The following ST6GALNAC5 variants were observed in gnomAD, a reference collection of about 807,000 sequenced individuals.
ST6GALNAC5 encodes ST6 N-acetylgalactosaminide alpha-2,6-sialyltransferase 5.
ST6GALNAC5 carries 27 observed loss-of-function variants against 33.6 expected under a neutral mutation model. That is an observed-to-expected ratio of 0.80 (90% confidence interval 0.59 to 1.11). The LOEUF is 1.11. Ranked by LOEUF, ST6GALNAC5 falls within the 50% of genes least tolerant of loss-of-function variation. ST6GALNAC5 has a pLI of 0.00. For synonymous variants in ST6GALNAC5, 194 were observed against 171.2 expected (o/e 1.13, Z -1.04); for missense variants, 428 against 454.0 (o/e 0.94, Z 0.52).
chr1:77,052,366 G>A (rs1652250386), intron 4 of ST6GALNAC5, among the ~76,000 whole-genome samples: 1 of 152,156 alleles, frequency 6.6e-6, no homozygotes, highest in Non-Finnish European at 1.5e-5. Flanking sequence ...CATGTTGACT[G>A]GACCACCAGG....
At chr1:76,992,250 C>A (rs796228393) in intron 2 of ST6GALNAC5, among the ~76,000 whole-genome samples, 6 of 152,296 alleles carry the variant, frequency 3.9e-5, no homozygotes, top group African/African-American at 1.4e-4. Context: ...GCTCTATGCT[C>A]TAACTATCTC....
At chr1:76,972,163 G>A (rs1164631002) in intron 2 of ST6GALNAC5, among the ~76,000 whole-genome samples, 2 of 152,194 alleles carry the variant, frequency 1.3e-5, no homozygotes, top group African/African-American at 2.4e-5. Context: ...GGTGGAAGGC[G>A]AAGGAGGAGC....
chr1:76,916,259 C>T (rs914874301), intron 2 of ST6GALNAC5, among the ~76,000 whole-genome samples: 2 of 152,148 alleles, frequency 1.3e-5, no homozygotes, highest in Non-Finnish European at 2.9e-5. Context: ...CCTCATCCAG[C>T]TACATGCAGC....
intron 2 of ST6GALNAC5, among the ~76,000 whole-genome samples, chr1:76,893,510 G>A (rs1654056230): frequency 1.3e-5 from 2 of 152,276 alleles, no homozygotes; most frequent in South Asian, 2.1e-4. Flanking sequence ...AATGTGTAAG[G>A]AGTAACTATC....
rs115312308 is a variant in ST6GALNAC5, at chr1:77,039,367, C to T, written c.262-4837C>T. On this transcript the variant is annotated intron_variant, in intron 2 of 4. Transcript: ENST00000477717. ...CCAGCCATTAATTCCAGGCAGTGCC[C>T]TGGACTCTGGTCATTATGGTTCCCT... is the stretch of plus-strand genomic sequence containing the variant. 4.7e-3 allele frequency among the ~76,000 whole-genome samples: 715 copies of T among 152,352 alleles called. 8 individuals carry two copies. The highest frequency in any genetic ancestry group is 0.017 in the African/African-American group (692 of 41,578).
At chr1:77,034,549 G>T (rs557095002) in intron 2 of ST6GALNAC5, among the ~76,000 whole-genome samples, 8 of 152,166 alleles carry the variant, frequency 5.3e-5, no homozygotes. Flanking sequence ...ACCTCTAAGG[G>T]GATGTCCTGG....
chr1:76,889,651 T>C (rs932573824), intron 2 of ST6GALNAC5, among the ~76,000 whole-genome samples: 2 of 152,152 alleles, frequency 1.3e-5, no homozygotes, highest in African/African-American at 2.4e-5. Flanking sequence ...AAGTACATTG[T>C]CTCCCCTTAA....
In ST6GALNAC5 at chr1:77,044,504, A is replaced by G. The variant is rs1298861835; in HGVS notation, c.562A>G (p.Asn188Asp). ...RRDGKGQVYNNLHLLSQVLPR... is the reference protein window; with the variant it reads ...RRDGKGQVYNDLHLLSQVLPR... ...GGACGGCAAGGGCCAGGTCTACAAC[A>G]ACCTGCATCTCCTGAGCCAGGTGCT... Residue 188 changes from asparagine to aspartate, a missense_variant, in exon 3 of 5, where the codon AAC becomes GAC. Physicochemically the swap from Asn to Asp is conservative, Grantham distance 23 (BLOSUM62 1). Transcript: ENST00000477717. 6.8e-6 allele frequency: 11 copies of G among 1,612,694 alleles called. No homozygotes were observed. Among genetic ancestry groups the G allele is most frequent in the Non-Finnish European group, 9.3e-6 (11 of 1,179,386 alleles).
intron 2 of ST6GALNAC5, among the ~76,000 whole-genome samples, chr1:76,877,557 C>G (rs572306530): frequency 6.6e-6 from 1 of 152,336 alleles, no homozygotes; most frequent in Non-Finnish European, 1.5e-5. Flanking sequence ...AATATCTCAA[C>G]AGGCCCCTCA....
chr1:77,055,737 C>T (rs1292833155), intron 4 of ST6GALNAC5, among the ~76,000 whole-genome samples: 1 of 152,180 alleles, frequency 6.6e-6, no homozygotes, highest in South Asian at 2.1e-4. Context: ...CTCTGCCTTG[C>T]CCCATCTCAC....
chr1:77,029,795 A>G (rs1651385578), intron 2 of ST6GALNAC5, among the ~76,000 whole-genome samples: 1 of 152,256 alleles, frequency 6.6e-6, no homozygotes, highest in African/African-American at 2.4e-5. Flanking sequence ...GGCTTAAAAC[A>G]ACATAAGCAC....
rs2100906481 is a variant in ST6GALNAC5, at chr1:76,868,833, T to C, written c.261+91T>C. 2.6e-5 allele frequency: 37 copies of C among 1,427,038 alleles called. No individual in the cohort carries two copies. The South Asian group carries it at 5.1e-4, about 20-fold the overall frequency. 88.4% of individuals were successfully genotyped at this position (1,427,038 alleles called of 1,614,324 possible). A position where few individuals can be genotyped will look rare whatever the true frequency, so the allele number is the denominator to read the frequency against. On this transcript the variant is annotated intron_variant, in intron 2 of 4. Coordinates refer to ENST00000477717, the MANE Select transcript of ST6GALNAC5 (RefSeq NM_030965.3). The surrounding 1 kb of genome is among the most constrained non-coding windows in gnomAD (Gnocchi z 4.3). ...CCTTTCCCGGGGCTGGGAGGCGCTG[T>C]GAGTAGGTGCCGTTCGAAGGCTGGA...
chr1:76,991,593 C>T (rs548747100), intron 2 of ST6GALNAC5, among the ~76,000 whole-genome samples: 1 of 152,138 alleles, frequency 6.6e-6, no homozygotes, highest in Non-Finnish European at 1.5e-5. Flanking sequence ...TTCTCCTCTG[C>T]TAATTCTACT....
intron 2 of ST6GALNAC5, among the ~76,000 whole-genome samples, chr1:76,905,517 A>G (rs1218659449): frequency 6.6e-6 from 1 of 152,196 alleles, no homozygotes; most frequent in African/African-American, 2.4e-5. Context: ...CTTATGTCCA[A>G]ATTGGAAACC....
intron 2 of ST6GALNAC5, among the ~76,000 whole-genome samples, chr1:76,994,712 C>G (rs987035220): frequency 1.3e-5 from 2 of 152,156 alleles, no homozygotes; most frequent in Non-Finnish European, 2.9e-5. Flanking sequence ...CAGACCACAG[C>G]AATAATTTTC....
At chr1:77,027,239 A>G (rs1374889143) in intron 2 of ST6GALNAC5, among the ~76,000 whole-genome samples, 4 of 152,228 alleles carry the variant, frequency 2.6e-5, no homozygotes, top group Non-Finnish European at 4.4e-5. Context: ...TACACCAAAG[A>G]TAAATTGAAA....
In ST6GALNAC5 at chr1:76,867,670, C is replaced by T. The variant is rs76305167; in HGVS notation, c.-6C>T. ...CTGAGGATTCTGCACAAAAGAGGTG[C>T]CCAAAATGAAGACCCTGATGGTGAG... On this transcript the variant is annotated 5_prime_UTR_variant, in exon 1 of 5. Coordinates refer to ENST00000477717, the MANE Select transcript of ST6GALNAC5 (RefSeq NM_030965.3). 36,335 of 1,614,068 alleles carry T rather than the reference C, an allele frequency of 0.023. 692 individuals carry two copies. The highest frequency in any genetic ancestry group is 0.088 in the African/African-American group (6,565 of 74,990).
intron 2 of ST6GALNAC5, among the ~76,000 whole-genome samples, chr1:77,025,214 G>A (rs1651188029): frequency 6.6e-6 from 1 of 152,170 alleles, no homozygotes; most frequent in Admixed American, 6.5e-5. Flanking sequence ...AGAATCAACT[G>A]TGTCTATGAA....
chr1:76,888,840 A>T lies in ST6GALNAC5; in HGVS notation c.261+20098A>T, dbSNP rs1205124171. Among the ~76,000 whole-genome samples the T allele has an allele frequency of 2.0e-5, 3 of 152,312 alleles. No individual in the cohort carries two copies. The South Asian group carries it at 6.2e-4, about 32-fold the overall frequency. ...TGTGTACAGCATGATGTTTTGGTAT[A>T]TGCATACATTATGGAATGGCTAAAT... On this transcript the variant is annotated intron_variant, in intron 2 of 4. Coordinates refer to ENST00000477717, the MANE Select transcript of ST6GALNAC5 (RefSeq NM_030965.3).
Sources: gnomAD v4.1 joint callset for allele counts (sites outside exome capture counted in the v4.1 genomes callset) on GRCh38, gnomAD v4.1.1 for gene constraint, Gnocchi (gnomAD v3.1) non-coding constraint, MANE v1.5 for transcripts, NCBI Gene and HGNC (gene_info 2026-07-23, HGNC 2026-07-21) for gene names.